SERPINB5: variants seen among roughly 807,000 people sequenced by gnomAD.
SERPINB5 encodes the protein serpin B5.
SERPINB5 carries 27 observed loss-of-function variants against 32.2 expected under a neutral mutation model. That is an observed-to-expected ratio of 0.84 (90% CI 0.62 to 1.16). The LOEUF is 1.16. SERPINB5 is among the 50% of genes most tolerant of loss of function. The pLI is 0.00. For missense variants in SERPINB5, 388 were observed against 436.3 expected (o/e 0.89, Z 0.99); for synonymous variants, 154 against 157.4 (o/e 0.98, Z 0.16).
chr18:63,488,943 G>A (rs1917256820), intron 3 of SERPINB5, among the ~76,000 whole-genome samples: 1 of 152,126 alleles, frequency 6.6e-6, no homozygotes, highest in Admixed American at 6.5e-5. Flanking sequence ...AGGGTCTACA[G>A]GATATTTAGT....
intron 2 of SERPINB5, chr18:63,485,519 C>T (rs1917196034): frequency 1.3e-5 from 2 of 152,220 alleles, no homozygotes; most frequent in African/African-American, 4.8e-5. Flanking sequence ...ACACTTGGGA[C>T]TTGAAGCAGC....
At chr18:63,484,209 G>T (rs1917169597) in intron 1 of SERPINB5, among the ~76,000 whole-genome samples, 1 of 152,240 alleles carries the variant, frequency 6.6e-6, no homozygotes, top group African/African-American at 2.4e-5. Flanking sequence ...AGTCTAGGCA[G>T]AGCTGGACAC....
chr18:63,489,358 C>T lies in SERPINB5; in HGVS notation c.318C>T (p.Ser106=). The T allele has an allele frequency of 3.1e-6, 5 of 1,600,588 alleles. No homozygotes were observed. Among genetic ancestry groups the T allele is most frequent in the Non-Finnish European group, 4.3e-6 (5 of 1,170,018 alleles). Residue 106 remains serine, a synonymous_variant, in exon 4 of 7, where the codon AGC becomes AGT. Transcript: ENST00000382771. The part of the protein sequence containing the change: ...KSLNLSTEFI[S]STKRPYAKEL... ...TGCATGTTTTTCAGGAGTTCATCAG[C>T]TCTACGAAGAGACCGTATGCAAAGG...
At chr18:63,479,179 G>T (rs188256832) in intron 1 of SERPINB5, among the ~76,000 whole-genome samples, 1 of 152,124 alleles carries the variant, frequency 6.6e-6, no homozygotes, top group Non-Finnish European at 1.5e-5. Context: ...AACATATATT[G>T]TTCAAATCAG....
intron 1 of SERPINB5, among the ~76,000 whole-genome samples, chr18:63,480,980 T>G (rs1917117941): frequency 6.6e-6 from 1 of 152,174 alleles, no homozygotes; most frequent in Non-Finnish European, 1.5e-5. Context: ...GGCAGATCTC[T>G]TTGCGTTCAT....
At chr18:63,502,422 A>G (rs1008885792) in intron 6 of SERPINB5, among the ~76,000 whole-genome samples, 1 of 152,166 alleles carries the variant, frequency 6.6e-6, no homozygotes, top group African/African-American at 2.4e-5. Context: ...GGCGTGAGCC[A>G]CTGCGCCCAG....
chr18:63,482,974 C>T (rs1471575967), intron 1 of SERPINB5, among the ~76,000 whole-genome samples: 1 of 151,946 alleles, frequency 6.6e-6, no homozygotes, highest in Admixed American at 6.6e-5. Flanking sequence ...TGTCATATAG[C>T]CTCTGGAAAA....
At chr18:63,478,450 A>G (rs925014673) in intron 1 of SERPINB5, among the ~76,000 whole-genome samples, 1 of 152,238 alleles carries the variant, frequency 6.6e-6, no homozygotes, top group Non-Finnish European at 1.5e-5. Flanking sequence ...CACTTTTCAT[A>G]TACATTGATT....
rs1909617773 is a variant in SERPINB5, at chr18:63,503,638, GA to G, written c.1046del (p.Asn349MetfsTer34). ...ARILQHKDELNADHPFIYIIR... is the reference protein window; with the variant it reads ...ARILQHKDELXADHPFIYIIR... Reference sequence around the variant, plus strand: ...GGATCCTGCAGCACAAGGATGAATTGAATGCTGACCATCCCTTTATTTACAT... The same window carrying G: ...GGATCCTGCAGCACAAGGATGAATTGATGCTGACCATCCCTTTATTTACAT... On this transcript the variant is annotated frameshift_variant, in exon 7 of 7. Transcript: ENST00000382771. LOFTEE classifies it high-confidence loss of function. The G allele has an allele frequency of 1.2e-6, 2 of 1,614,210 alleles. No homozygotes were observed. The highest frequency in any genetic ancestry group is 8.5e-7 in the Non-Finnish European group (1 of 1,180,024).
chr18:63,487,134 AT>A (rs1917228969), intron 3 of SERPINB5, 51 bp downstream of exon 3: 1 of 1,581,432 alleles, frequency 6.3e-7, no homozygotes, highest in Non-Finnish European at 8.6e-7. Context: ...AAGGAGTGGC[AT>A]TTTCATGCTG....
At chr18:63,491,629 T>C (rs1856806279) in intron 4 of SERPINB5, among the ~76,000 whole-genome samples, 1 of 151,666 alleles carries the variant, frequency 6.6e-6, no homozygotes, top group African/African-American at 2.4e-5. Flanking sequence ...TGCGTGCCAC[T>C]ACGCCCAGCT....
chr18:63,486,828 G>T (rs987882479), intron 2 of SERPINB5, 118 bp from the exon 3 acceptor site: 2 of 1,011,866 alleles, frequency 2.0e-6, no homozygotes, highest in Admixed American at 2.2e-5. Context: ...CTTACTTTAC[G>T]GGAACTAGGC....
intron 1 of SERPINB5, among the ~76,000 whole-genome samples, chr18:63,480,598 G>A (rs1917111769): frequency 6.6e-6 from 1 of 152,158 alleles, no homozygotes; most frequent in Non-Finnish European, 1.5e-5. Context: ...ATTTTTTCCA[G>A]GTCATGTATT....
chr18:63,499,015 GTA>G (rs200081849), intron 5 of SERPINB5, 103 bp from the exon 6 acceptor site: 13 of 463,896 alleles, frequency 2.8e-5, no homozygotes, highest in African/African-American at 2.1e-5. Flanking sequence ...ATACATGTGG[GTA>G]TATATGTGTG....
At position 63,493,087 on chromosome 18, in the gene SERPINB5, G is replaced by C. The variant is rs2289520; in HGVS notation, c.559G>C (p.Val187Leu). ...ESETKECPFR[V>L]NKTDTKPVQM... is the part of the protein sequence containing the mutation. ...AGAAACAAAAGAATGTCCTTTCAGA[G>C]TCAACAAGGTATGTGGGGCAGCATG... is the stretch of plus-strand genomic sequence containing the variant. The change falls in exon 5 of 7, where the codon GTC becomes CTC. Residue 187 changes from valine (V) to leucine (L), a missense_variant. By Grantham distance (32) the Val-to-Leu change is conservative. Coordinates refer to ENST00000382771, the MANE Select transcript of SERPINB5 (RefSeq NM_002639.5). 0.11 allele frequency: 169,618 copies of C among 1,613,780 alleles called. 20,558 individuals are homozygous for C. Among genetic ancestry groups the C allele is most frequent in the African/African-American group, 0.57 (42,368 of 74,884 alleles).
chr18:63,486,884 CA>C (rs1234352165), intron 2 of SERPINB5, 61 bp from the exon 3 acceptor site: 11 of 1,565,192 alleles, frequency 7.0e-6, no homozygotes, highest in Non-Finnish European at 8.7e-6. Flanking sequence ...ATCACGTGTC[CA>C]CTTCAGTACA....
rs1243149287 is a variant in SERPINB5 at position 63,498,029 on chromosome 18, CAG to C, written c.568-1086_568-1085del. Among the ~76,000 whole-genome samples, 1 of 152,148 alleles carries C rather than the reference CAG, an allele frequency of 6.6e-6. No individual in the cohort carries two copies. Among genetic ancestry groups the C allele is most frequent in the Admixed American group, 6.6e-5 (1 of 15,260 alleles). ...GTGGGCAATTCAAACCAAAGACAAA[CAG>C]AGAGGTCACAACAAATATTGTTTTG... is the stretch of plus-strand genomic sequence containing the variant. On this transcript the variant is annotated intron_variant, in intron 5 of 6. Coordinates refer to ENST00000382771, the MANE Select transcript of SERPINB5 (RefSeq NM_002639.5). The surrounding 1 kb of genome is among the most constrained non-coding windows in gnomAD (Gnocchi z 4.2).
intron 6 of SERPINB5, among the ~76,000 whole-genome samples, chr18:63,499,496 C>G (rs1909527384): frequency 6.6e-6 from 1 of 152,206 alleles, no homozygotes; most frequent in Non-Finnish European, 1.5e-5. Flanking sequence ...TTACAGTGTT[C>G]TAGGGACTGT....
intron 4 of SERPINB5, among the ~76,000 whole-genome samples, chr18:63,492,600 G>A (rs1016999940): frequency 1.3e-5 from 2 of 152,344 alleles, no homozygotes; most frequent in Non-Finnish European, 2.9e-5. Context: ...TCATCGCTGA[G>A]TCTCAGCTTC....
Sources: allele counts gnomAD v4.1 joint callset (sites outside exome capture counted in the v4.1 genomes callset), GRCh38; gene constraint gnomAD v4.1.1; non-coding constraint Gnocchi (gnomAD v3.1); transcripts MANE v1.5; gene names NCBI Gene and HGNC (gene_info 2026-07-23, HGNC 2026-07-21).